MEMO1: variants seen among roughly 807,000 people sequenced by gnomAD.
MEMO1 encodes protein MEMO1.
In MEMO1, 6 loss-of-function variants were observed where a neutral mutation model predicts 45.2. The observed-to-expected ratio is 0.13, with a 90% CI of 0.07 to 0.26. The LOEUF is 0.26. Ranked by LOEUF, MEMO1 falls within the 10% of genes least tolerant of loss-of-function variation. MEMO1 has a pLI of 1.00. For missense variants in MEMO1, 184 were observed against 370.5 expected (o/e 0.50, Z 4.13); for synonymous variants, 78 against 124.3 (o/e 0.63, Z 2.48).
chr2:31,954,133 C>A (rs149730600), intron 2 of MEMO1, among the ~76,000 whole-genome samples: 3 of 152,330 alleles, frequency 2.0e-5, no homozygotes, highest in African/African-American at 7.2e-5. Flanking sequence ...CAACTAGTAT[C>A]TATCTGTCTT....
At chr2:31,990,327 G>C (rs1029027718) in intron 2 of MEMO1, among the ~76,000 whole-genome samples, 1 of 152,132 alleles carries the variant, frequency 6.6e-6, no homozygotes, top group Non-Finnish European at 1.5e-5. Flanking sequence ...TGTTCCGAAA[G>C]ATAGTTATTT....
intron 8 of MEMO1, among the ~76,000 whole-genome samples, chr2:31,877,962 T>C (rs1033195331): frequency 4.6e-5 from 7 of 152,338 alleles, no homozygotes; most frequent in African/African-American, 1.7e-4. Flanking sequence ...GCACTTTGTA[T>C]ACATCGGAGA....
chr2:31,967,767 T>C (rs1000898429), intron 2 of MEMO1, among the ~76,000 whole-genome samples: 2 of 152,218 alleles, frequency 1.3e-5, no homozygotes, highest in African/African-American at 4.8e-5. Context: ...AATTTCTTAG[T>C]AAAACTTAAT....
chr2:31,889,336 G>A (rs938277702), intron 7 of MEMO1, among the ~76,000 whole-genome samples: 6 of 152,048 alleles, frequency 3.9e-5, no homozygotes, highest in African/African-American at 1.4e-4. Context: ...CTGCATGCAT[G>A]AGGAACTGAA....
At chr2:31,901,718 C>T (rs984670426) in intron 6 of MEMO1, among the ~76,000 whole-genome samples, 40 of 151,766 alleles carry the variant, frequency 2.6e-4, no homozygotes, top group African/African-American at 8.9e-4. Flanking sequence ...ACCAGTCTGG[C>T]CAACATGGTG....
At chr2:31,969,316 ATG>A (rs1467846630) in intron 2 of MEMO1, among the ~76,000 whole-genome samples, 1 of 150,606 alleles carries the variant, frequency 6.6e-6, no homozygotes, top group East Asian at 1.9e-4. Context: ...ACATATATAC[ATG>A]TGTGATATGT....
intron 2 of MEMO1, among the ~76,000 whole-genome samples, chr2:31,975,178 A>G (rs1418717743): frequency 6.6e-6 from 1 of 152,194 alleles, no homozygotes; most frequent in Non-Finnish European, 1.5e-5. Context: ...ATCTCAAAAA[A>G]ACAAACAAAT....
intron 8 of MEMO1, among the ~76,000 whole-genome samples, chr2:31,881,492 C>CT (rs1298195220): frequency 5.0e-5 from 3 of 59,842 alleles, no homozygotes; most frequent in Non-Finnish European, 6.1e-5. Flanking sequence ...GAGAGCCTGT[C>CT]TTTAAAAAAA....
chr2:31,871,841 C>T (rs1295894891), intron 8 of MEMO1, among the ~76,000 whole-genome samples: 1 of 152,040 alleles, frequency 6.6e-6, no homozygotes, highest in Non-Finnish European at 1.5e-5. Flanking sequence ...TGGTGAAACC[C>T]TATTTCCACT....
At position 31,981,982 on chromosome 2, in the gene MEMO1, T is replaced by G. The variant is rs184550944; in HGVS notation, c.61+28205A>C. ...AGGATGAAATGTAGATGGTGACAAA[T>G]GAATCTAACAGTATTACAAATACAA... On this transcript the variant is annotated intron_variant, in intron 2 of 9. Transcript: ENST00000404530. Among the ~76,000 whole-genome samples the G allele has an allele frequency of 5.3e-5, 8 of 152,284 alleles. No individual in the cohort carries two copies. In the East Asian group the frequency reaches 1.3e-3, roughly 26 times the overall value.
Position 31,868,414 on chromosome 2 carries a change from T to G in MEMO1, c.841A>C (p.Asn281His). The G allele has an allele frequency of 1.3e-6, 2 of 1,598,868 alleles. No homozygotes were observed. Among genetic ancestry groups the G allele is most frequent in the Non-Finnish European group, 1.7e-6 (2 of 1,173,446 alleles). The change falls in exon 10 of 10, where the codon AAC (asparagine) becomes CAC (histidine). Residue 281 changes from asparagine (N) to histidine (H), a missense_variant. Asn to His is a moderately conservative substitution (Grantham distance 68, BLOSUM62 1). This residue lies in a region of MEMO1 where 97 missense variants were observed against 209.3 expected (regional missense o/e 0.46). Transcript: ENST00000404530. ...TAACTCACTGAACTGTCTTGCCAGT[T>G]TCTACACTGGCTCGACTGGGCATAA... The part of the protein sequence containing the change: ...LNYAQSSQCR[N>H]WQDSSVSYAA...
At chr2:32,006,785 T>C (rs1674134358) in intron 2 of MEMO1, among the ~76,000 whole-genome samples, 1 of 151,722 alleles carries the variant, frequency 6.6e-6, no homozygotes, top group Admixed American at 6.6e-5. Context: ...GCCAATATGG[T>C]GAAACCCCAT....
intron 6 of MEMO1, among the ~76,000 whole-genome samples, chr2:31,904,840 T>A (rs1679429467): frequency 6.6e-6 from 1 of 152,246 alleles, no homozygotes; most frequent in Non-Finnish European, 1.5e-5. Context: ...AGAACTCTCA[T>A]CTTTTTCTCT....
At chr2:31,940,586 C>T (rs1401106765) in intron 3 of MEMO1, among the ~76,000 whole-genome samples, 2 of 152,158 alleles carry the variant, frequency 1.3e-5, no homozygotes, top group Non-Finnish European at 2.9e-5. Context: ...GTTGCCCAAG[C>T]GGGAGTACAG....
chr2:32,003,195 G>A (rs1420912276), intron 2 of MEMO1, among the ~76,000 whole-genome samples: 1 of 152,006 alleles, frequency 6.6e-6, no homozygotes, highest in Non-Finnish European at 1.5e-5. Context: ...AAATTAAGCT[G>A]TAGTTTTCCA....
At chr2:31,973,517 C>G (rs1269544597) in intron 2 of MEMO1, among the ~76,000 whole-genome samples, 2 of 151,908 alleles carry the variant, frequency 1.3e-5, no homozygotes, top group African/African-American at 4.8e-5. Flanking sequence ...TACACAAATA[C>G]TGATGGCAGC....
At chr2:31,974,484 C>T (rs752538194) in intron 2 of MEMO1, among the ~76,000 whole-genome samples, 4 of 152,188 alleles carry the variant, frequency 2.6e-5, no homozygotes, top group Non-Finnish European at 5.9e-5. Context: ...CGGTGACTCA[C>T]GCCTGTAATC....
At chr2:31,931,831 A>C (rs548202561) in intron 4 of MEMO1, among the ~76,000 whole-genome samples, 1 of 152,196 alleles carries the variant, frequency 6.6e-6, no homozygotes, top group Non-Finnish European at 1.5e-5. Context: ...TTTAACCTTC[A>C]TAACTAAACA....
chr2:31,880,160 A>T (rs1029769050), intron 8 of MEMO1, among the ~76,000 whole-genome samples: 7 of 152,206 alleles, frequency 4.6e-5, no homozygotes, highest in Non-Finnish European at 7.3e-5. Context: ...CATATAGCAG[A>T]TACCCATTAA....
Sources: allele counts gnomAD v4.1 joint callset (sites outside exome capture counted in the v4.1 genomes callset), GRCh38; gene constraint gnomAD v4.1.1; regional missense constraint gnomAD v4.1.1; transcripts MANE v1.5; gene names NCBI Gene and HGNC (gene_info 2026-07-23, HGNC 2026-07-21).